Variants in PCDHGB7 observed in about 807,000 individuals in gnomAD.
PCDHGB7 encodes protocadherin gamma-B7.
PCDHGB7 carries 37 observed loss-of-function variants against 61.4 expected under a neutral mutation model. The observed-to-expected ratio is 0.60, with a 90% confidence interval of 0.46 to 0.79. The LOEUF (loss-of-function observed/expected upper bound fraction) is 0.79, where lower values mean the gene tolerates loss of function less well. Among genes scored for constraint, PCDHGB7 ranks in the 30% least tolerant of loss-of-function variants. The pLI is 0.00. For missense variants in PCDHGB7, 1,166 were observed against 1,202.5 expected (o/e 0.97, Z 0.45); for synonymous variants, 464 against 503.5 (o/e 0.92, Z 1.05).
chr5:141,478,434 T>C (rs747890986), intron 1 of PCDHGB7: 2 of 1,613,700 alleles, frequency 1.2e-6, no homozygotes, highest in East Asian at 2.2e-5. Flanking sequence ...GACCCGCTGC[T>C]GAAGAAACCT....
In PCDHGB7 at chr5:141,477,880, C is replaced by T. The variant is rs763789849; in HGVS notation, c.2416-16927C>T. 10 of 1,614,058 alleles carry T rather than the reference C, an allele frequency of 6.2e-6. No homozygotes were observed. The African/African-American group carries it at 1.2e-4, about 19-fold the overall frequency. ...TGCCTCGAGGTACCTCAGCTGGCCA[C>T]CTAGTGTCACGGGTGGTAGGCTGGG... is the stretch of plus-strand genomic sequence containing the variant. On this transcript the variant is annotated intron_variant, in intron 1 of 3. Transcript: ENST00000398594. The surrounding 1 kb of genome is among the most constrained non-coding windows in gnomAD (Gnocchi z 4.9).
rs1028054307 is a variant in PCDHGB7, at chr5:141,417,708, G to C, written c.-152G>C. On this transcript the variant is annotated 5_prime_UTR_variant, in exon 1 of 4. Coordinates refer to ENST00000398594, the MANE Select transcript of PCDHGB7 (RefSeq NM_018927.4). ...AAAGAAAACCAGCTCCCACACAGAG[G>C]CTCCCGGCTGCGCAGACCTTGCCCA... 152 of 1,227,878 alleles carry C rather than the reference G, an allele frequency of 1.2e-4. No homozygotes were observed. The highest frequency in any genetic ancestry group is 4.9e-4 in the East Asian group (19 of 38,802). The allele number at this position is 1,227,878 out of a possible 1,614,324, so 76.1% of individuals were successfully genotyped here.
chr5:141,454,563 C>T (rs1056296059), intron 1 of PCDHGB7, among the ~76,000 whole-genome samples: 46 of 151,960 alleles, frequency 3.0e-4, no homozygotes, highest in Non-Finnish European at 4.9e-4. Context: ...TGTGCCACCA[C>T]GCCCGGCTAA....
intron 1 of PCDHGB7, chr5:141,478,786 C>T: frequency 6.8e-7 from 1 of 1,480,998 alleles, no homozygotes; most frequent in Non-Finnish European, 9.0e-7. Context: ...ACCTAATTCA[C>T]ATCCTCAGCA....
intron 1 of PCDHGB7, among the ~76,000 whole-genome samples, chr5:141,482,530 C>CAAAAAAAAAAAAAAAAAAAAAA (rs3074545): frequency 1.3e-5 from 1 of 76,562 alleles, no homozygotes. Context: ...GACAGACATG[C>CAAAAAAAAAAAAAAAAAAAAAA]AAAAAAAAAA....
chr5:141,481,913 CAAAAAAAA>C (rs34114744), intron 1 of PCDHGB7, among the ~76,000 whole-genome samples: 1 of 90,852 alleles, frequency 1.1e-5, no homozygotes, highest in African/African-American at 4.2e-5. Flanking sequence ...AACTCCATCT[CAAAAAAAA>C]AAAAAAAAAA....
intron 1 of PCDHGB7, among the ~76,000 whole-genome samples, chr5:141,451,395 A>G (rs2098715118): frequency 6.6e-6 from 1 of 152,184 alleles, no homozygotes; most frequent in Admixed American, 6.6e-5. Context: ...AGTTAATGGC[A>G]AAATTAAGTT....
In PCDHGB7 at chr5:141,477,294, C is replaced by G. The variant is rs753131175; in HGVS notation, c.2416-17513C>G. On this transcript the variant is annotated intron_variant, in intron 1 of 3. Coordinates refer to ENST00000398594, the MANE Select transcript of PCDHGB7 (RefSeq NM_018927.4). This position sits in a 1 kb window ranked among gnomAD's most constrained non-coding sequence, Gnocchi z 4.9. ...GGGCTGGTGACCTGCGAAGTTCCACCGGGTCTCCCTTTCAGCCTTACTTCT... is the reference window on the plus strand; with the variant it reads ...GGGCTGGTGACCTGCGAAGTTCCACGGGGTCTCCCTTTCAGCCTTACTTCT... The G allele has an allele frequency of 2.1e-5, 34 of 1,614,024 alleles. No individual in the cohort carries two copies. Among genetic ancestry groups the G allele is most frequent in the Non-Finnish European group, 2.9e-5 (34 of 1,180,036 alleles).
rs1405589878 is a variant in PCDHGB7 at position 141,504,323 on chromosome 5, T to A, written c.2475-1070T>A. On this transcript the variant is annotated intron_variant, in intron 2 of 3. Transcript: ENST00000398594. ...CACTCGGAGTTTCTAAAAGTCTCAC[T>A]TAGGTCCAAGTGCTAGGCTTTGTGC... Among the ~76,000 whole-genome samples, 4 of 152,114 alleles carry A rather than the reference T, an allele frequency of 2.6e-5. No individual in the cohort carries two copies. In the East Asian group the frequency reaches 7.7e-4, roughly 29 times the overall value.
intron 1 of PCDHGB7, chr5:141,423,165 C>G: frequency 6.2e-7 from 1 of 1,613,434 alleles, no homozygotes; most frequent in Non-Finnish European, 8.5e-7. Context: ...TCGTGGTGGC[C>G]GTCCAGGACC....
At chr5:141,426,896 C>A in intron 1 of PCDHGB7, 1 of 456,782 alleles carries the variant, frequency 2.2e-6, no homozygotes, top group Non-Finnish European at 4.4e-6. Context: ...AGCAACAGAG[C>A]TCTCATCTCC....
At chr5:141,440,093 GA>G (rs2098151022) in intron 1 of PCDHGB7, 1 of 152,302 alleles carries the variant, frequency 6.6e-6, no homozygotes, top group Non-Finnish European at 1.5e-5. Context: ...TCTAAGTGGG[GA>G]AAGTGGAGAC....
At chr5:141,436,778 G>A (rs2097846346) in intron 1 of PCDHGB7, among the ~76,000 whole-genome samples, 1 of 152,154 alleles carries the variant, frequency 6.6e-6, no homozygotes, top group African/African-American at 2.4e-5. Flanking sequence ...ATTTGTGGAT[G>A]GAAATAAAAC....
In PCDHGB7 at chr5:141,496,208, G is replaced by T. The variant is rs530974273; in HGVS notation, c.2474+1343G>T. On this transcript the variant is annotated intron_variant, in intron 2 of 3. Coordinates refer to ENST00000398594, the MANE Select transcript of PCDHGB7 (RefSeq NM_018927.4). Reference sequence around the variant, plus strand: ...CCAGCTGCTCATTTCAATCTGGTATGAATTCCTGCTGAGACAGGAACCCCC... The same window carrying T: ...CCAGCTGCTCATTTCAATCTGGTATTAATTCCTGCTGAGACAGGAACCCCC... Among the ~76,000 whole-genome samples, 13 of 152,222 alleles carry T rather than the reference G, an allele frequency of 8.5e-5. No homozygotes were observed. In the East Asian group the frequency reaches 2.3e-3, roughly 27 times the overall value.
chr5:141,505,320 C>G, intron 2 of PCDHGB7, 73 bp from the exon 3 acceptor site: 2 of 1,605,358 alleles, frequency 1.2e-6, no homozygotes, highest in Non-Finnish European at 1.7e-6. Context: ...TTTGGGAGCC[C>G]TGGGAGAGGA....
intron 1 of PCDHGB7, chr5:141,478,893 T>G (rs1469313900): frequency 1.8e-6 from 2 of 1,102,894 alleles, no homozygotes; most frequent in Admixed American, 3.1e-5. Flanking sequence ...TCATTTACAT[T>G]AGGAATAAGC....
chr5:141,511,411 A>T lies in PCDHGB7; in HGVS notation c.*238A>T. On this transcript the variant is annotated 3_prime_UTR_variant, in exon 4 of 4. Transcript: ENST00000398594. ...GAACCCCCATCCAATCAACTGCTGTACCCATGGGGGTAGTGGGGTTACTGT... is the reference window on the plus strand; with the variant it reads ...GAACCCCCATCCAATCAACTGCTGTTCCCATGGGGGTAGTGGGGTTACTGT... 1.1e-6 allele frequency: 1 copy of T among 901,334 alleles called. No individual in the cohort carries two copies. Among genetic ancestry groups the T allele is most frequent in the Non-Finnish European group, 1.6e-6 (1 of 617,750 alleles). 55.8% of individuals were successfully genotyped at this position (901,334 alleles called of 1,614,324 possible).
At position 141,431,633 on chromosome 5, in the gene PCDHGB7, T is replaced by G; in HGVS notation, c.2415+11359T>G. On this transcript the variant is annotated intron_variant, in intron 1 of 3. Coordinates refer to ENST00000398594, the MANE Select transcript of PCDHGB7 (RefSeq NM_018927.4). This position sits in a 1 kb window ranked among gnomAD's most constrained non-coding sequence, Gnocchi z 4.8. Reference sequence around the variant, plus strand: ...TGTGGACGACAAGGCGGCCCAAGTTTTCAAACTAGATTGTAATTCAGGGAC... The same window carrying G: ...TGTGGACGACAAGGCGGCCCAAGTTGTCAAACTAGATTGTAATTCAGGGAC... 6.2e-7 allele frequency: 1 copy of G among 1,614,240 alleles called. No individual in the cohort carries two copies. Among genetic ancestry groups the G allele is most frequent in the Non-Finnish European group, 8.5e-7 (1 of 1,180,048 alleles).
At chr5:141,443,442 C>T (rs571341362) in intron 1 of PCDHGB7, among the ~76,000 whole-genome samples, 9 of 152,202 alleles carry the variant, frequency 5.9e-5, no homozygotes, top group East Asian at 1.9e-4. Context: ...GCTGTGGTTG[C>T]GCTCCTGTAC....
Sources: gnomAD v4.1 joint callset for allele counts (sites outside exome capture counted in the v4.1 genomes callset) on GRCh38, gnomAD v4.1.1 for gene constraint, Gnocchi (gnomAD v3.1) non-coding constraint, MANE v1.5 for transcripts, NCBI Gene and HGNC (gene_info 2026-07-23, HGNC 2026-07-21) for gene names.